Variants in LRRC4C observed in about 807,000 individuals in gnomAD.
LRRC4C encodes the protein leucine-rich repeat-containing protein 4C.
LRRC4C carries 5 observed loss-of-function variants against 33.6 expected under a neutral mutation model. The observed-to-expected ratio is 0.15, with a 90% CI of 0.08 to 0.31. LRRC4C has a LOEUF of 0.31. Among genes scored for constraint, LRRC4C ranks in the 10% least tolerant of loss-of-function variants. The pLI is 1.00. For missense variants in LRRC4C, 560 were observed against 796.7 expected (o/e 0.70, Z 3.58); for synonymous variants, 329 against 302.0 (o/e 1.09, Z -0.93).
At chr11:40,626,936 A>T (rs1001052717) in intron 3 of LRRC4C, among the ~76,000 whole-genome samples, 1 of 152,154 alleles carries the variant, frequency 6.6e-6, no homozygotes, top group African/African-American at 2.4e-5. Flanking sequence ...CTCTTTATGT[A>T]ACAACGATTT....
At chr11:41,375,220 C>T (rs1952894371) in intron 1 of LRRC4C, among the ~76,000 whole-genome samples, 1 of 151,920 alleles carries the variant, frequency 6.6e-6, no homozygotes, top group African/African-American at 2.4e-5. Context: ...CAGGGTTAAA[C>T]ATTATTATTA....
chr11:41,132,183 T>G (rs1728431261), intron 1 of LRRC4C, among the ~76,000 whole-genome samples: 2 of 152,132 alleles, frequency 1.3e-5, no homozygotes, highest in Non-Finnish European at 2.9e-5. Context: ...TTCACAGAAT[T>G]TAGCATGAAG....
chr11:40,611,925 TAGGGG>T (rs1475433712), intron 3 of LRRC4C, among the ~76,000 whole-genome samples: 1 of 151,854 alleles, frequency 6.6e-6, no homozygotes, highest in African/African-American at 2.4e-5. Context: ...TCTTTTACGT[TAGGGG>T]AGAATGTAAA....
chr11:41,325,577 T>TTTGTG (rs202169756), intron 1 of LRRC4C, among the ~76,000 whole-genome samples: 30 of 104,154 alleles, frequency 2.9e-4, no homozygotes, highest in East Asian at 7.5e-4. Flanking sequence ...TTTTTTTTTT[T>TTTGTG]TGTGTGTGTG....
chr11:40,969,831 C>A (rs1308294265), intron 1 of LRRC4C, among the ~76,000 whole-genome samples: 1 of 152,114 alleles, frequency 6.6e-6, no homozygotes, highest in African/African-American at 2.4e-5. Flanking sequence ...TGGAATTGAA[C>A]CCTGAATATC....
rs573043106 is a variant in LRRC4C, at chr11:40,200,713, C to T, written c.-96+40806G>A. ...CCCAGGAGGTGGGGGTTGCCGTGAG[C>T]TGAGGTCATGCCACTGCACCCCAGA... On this transcript the variant is annotated intron_variant, in intron 5 of 6. Coordinates refer to ENST00000528697, the MANE Select transcript of LRRC4C (RefSeq NM_001258419.2). Among the ~76,000 whole-genome samples, 338 of 133,274 alleles carry T rather than the reference C, an allele frequency of 2.5e-3. 1 individual carries two copies. The highest frequency in any genetic ancestry group is 3.7e-3 in the Non-Finnish European group (244 of 65,748). 87.4% of individuals were successfully genotyped at this position (133,274 alleles called of 152,430 possible). A position where few individuals can be genotyped will look rare whatever the true frequency, so the allele number is the denominator to read the frequency against.
chr11:40,462,806 T>G (rs1409191638), intron 3 of LRRC4C, among the ~76,000 whole-genome samples: 1 of 152,054 alleles, frequency 6.6e-6, no homozygotes, highest in Non-Finnish European at 1.5e-5. Context: ...AAGAGCAGAT[T>G]CATCTCTTTT....
At chr11:40,774,437 C>T (rs985345427) in intron 2 of LRRC4C, among the ~76,000 whole-genome samples, 1 of 152,076 alleles carries the variant, frequency 6.6e-6, no homozygotes, top group Admixed American at 6.5e-5. Context: ...TTGGAGTAGT[C>T]AATTGGGGAT....
At chr11:41,150,461 C>T (rs1474303055) in intron 1 of LRRC4C, among the ~76,000 whole-genome samples, 3 of 152,108 alleles carry the variant, frequency 2.0e-5, no homozygotes, top group Non-Finnish European at 4.4e-5. Flanking sequence ...GGGCATGTGT[C>T]CTTATTTCCC....
chr11:40,190,985 T>G (rs1296995254), intron 5 of LRRC4C, among the ~76,000 whole-genome samples: 1 of 152,216 alleles, frequency 6.6e-6, no homozygotes, highest in East Asian at 1.9e-4. Context: ...TGTGTTGATT[T>G]AGTTTTTTGA....
intron 3 of LRRC4C, among the ~76,000 whole-genome samples, chr11:40,405,787 C>T (rs1275251497): frequency 1.3e-5 from 2 of 149,846 alleles, no homozygotes; most frequent in Non-Finnish European, 3.0e-5. Flanking sequence ...CCTCACTTTT[C>T]CCACAGGTTG....
intron 5 of LRRC4C, among the ~76,000 whole-genome samples, chr11:40,240,919 G>A (rs117196555): frequency 6.6e-6 from 1 of 152,242 alleles, no homozygotes; most frequent in Non-Finnish European, 1.5e-5. Context: ...TTTTCAAAGT[G>A]TTTAGCCTAA....
At chr11:41,214,348 G>T (rs1946943870) in intron 1 of LRRC4C, among the ~76,000 whole-genome samples, 1 of 151,980 alleles carries the variant, frequency 6.6e-6, no homozygotes, top group South Asian at 2.1e-4. Context: ...TCAGATGTGT[G>T]TCAATGGCCA....
chr11:40,132,575 C>A lies in LRRC4C; in HGVS notation c.-43+8226G>T, dbSNP rs370681520. On this transcript the variant is annotated intron_variant, in intron 6 of 6. Transcript: ENST00000528697. The stretch of plus-strand genomic sequence containing the variant: ...TTCCTCAAAGGAAAATGTAGTAATG[C>A]ATTAACTAATGCATTGATGTTTATC... Among the ~76,000 whole-genome samples the A allele has an allele frequency of 5.4e-4, 82 of 152,236 alleles. 1 individual carries two copies. The highest frequency in any genetic ancestry group is 1.8e-3 in the African/African-American group (74 of 41,536).
intron 2 of LRRC4C, among the ~76,000 whole-genome samples, chr11:40,687,173 T>C (rs1945002493): frequency 6.6e-6 from 1 of 152,150 alleles, no homozygotes; most frequent in Non-Finnish European, 1.5e-5. Flanking sequence ...TGAGAACCTG[T>C]AGGCTAGATA....
intron 2 of LRRC4C, among the ~76,000 whole-genome samples, chr11:40,803,645 G>A (rs376218229): frequency 2.0e-5 from 3 of 151,588 alleles, no homozygotes; most frequent in South Asian, 4.2e-4. Context: ...AAAGAGTCTC[G>A]CTCTGTCACC....
chr11:40,165,194 G>A lies in LRRC4C; in HGVS notation c.-95-24341C>T, dbSNP rs142518741. Among the ~76,000 whole-genome samples the A allele has an allele frequency of 7.5e-4, 114 of 152,206 alleles. 2 individuals carry two copies. In the East Asian group the frequency reaches 0.019, roughly 26 times the overall value. ...GCTTTGTGTTTGCATATGTCTGCACGTGTCTCTATTTTTATAAGTGTGTAT... is the reference window on the plus strand; with the variant it reads ...GCTTTGTGTTTGCATATGTCTGCACATGTCTCTATTTTTATAAGTGTGTAT... On this transcript the variant is annotated intron_variant, in intron 5 of 6. Transcript: ENST00000528697.
intron 3 of LRRC4C, among the ~76,000 whole-genome samples, chr11:40,382,643 G>T (rs1448035548): frequency 1.4e-5 from 2 of 146,486 alleles, no homozygotes; most frequent in African/African-American, 5.0e-5. Context: ...CTGTGCAGTA[G>T]ATCTCTGGGA....
At chr11:40,565,838 T>A (rs1243845256) in intron 3 of LRRC4C, among the ~76,000 whole-genome samples, 2 of 152,086 alleles carry the variant, frequency 1.3e-5, no homozygotes, top group Non-Finnish European at 2.9e-5. Flanking sequence ...GTAGTTAAGC[T>A]TTTTGGCCAT....
Sources: allele counts gnomAD v4.1 joint callset (sites outside exome capture counted in the v4.1 genomes callset), GRCh38; gene constraint gnomAD v4.1.1; transcripts MANE v1.5; gene names NCBI Gene and HGNC (gene_info 2026-07-23, HGNC 2026-07-21).